The following ATP2C2 variants were observed in gnomAD, a reference collection of about 807,000 sequenced individuals.
ATP2C2 encodes ATPase secretory pathway Ca2+ transporting 2, also known as calcium-transporting ATPase type 2C member 2.
ATP2C2 carries 171 observed loss-of-function variants against 110.8 expected under a neutral mutation model. That is an observed-to-expected ratio of 1.54 (90% CI 1.36 to 1.75). ATP2C2 has a LOEUF of 1.75. Ranked by LOEUF, ATP2C2 falls within the 40% of genes most tolerant of loss-of-function variation. The probability of loss-of-function intolerance (pLI) is 0.00; values close to 1 mark genes in which losing one functional copy is unlikely to be tolerated. For missense variants in ATP2C2, 1,963 were observed against 1,235.0 expected (o/e 1.59, Z -8.84); for synonymous variants, 804 against 508.4 (o/e 1.58, Z -7.82).
At chr16:84,377,657 T>C (rs1910326416) in intron 1 of ATP2C2, among the ~76,000 whole-genome samples, 1 of 152,084 alleles carries the variant, frequency 6.6e-6, no homozygotes, top group African/African-American at 2.4e-5. Flanking sequence ...ATGACCTCTT[T>C]AAAGGCCCCA....
chr16:84,454,731 G>C, intron 20 of ATP2C2, 87 bp from the exon 21 acceptor site: 2 of 1,367,742 alleles, frequency 1.5e-6, no homozygotes, highest in East Asian at 5.2e-5. Flanking sequence ...AGACAGAGGT[G>C]TCTGTGGCTG....
intron 11 of ATP2C2, among the ~76,000 whole-genome samples, chr16:84,434,593 C>G (rs755681870): frequency 6.6e-6 from 1 of 151,714 alleles, no homozygotes; most frequent in Non-Finnish European, 1.5e-5. Flanking sequence ...TCTCGGCTCA[C>G]TGCAAGCTCC....
At chr16:84,412,525 T>C (rs1008444208) in intron 6 of ATP2C2, among the ~76,000 whole-genome samples, 5 of 148,418 alleles carry the variant, frequency 3.4e-5, no homozygotes, top group African/African-American at 5.1e-5. Flanking sequence ...TGTCTGTGTG[T>C]GCATGTGTCT....
intron 7 of ATP2C2, among the ~76,000 whole-genome samples, chr16:84,416,622 C>T (rs991000611): frequency 6.6e-6 from 1 of 152,186 alleles, no homozygotes; most frequent in Non-Finnish European, 1.5e-5. Flanking sequence ...CATTGATCCT[C>T]TCTGCCGTGA....
chr16:84,454,303 CA>C (rs1045724021), intron 20 of ATP2C2, among the ~76,000 whole-genome samples: 3 of 151,920 alleles, frequency 2.0e-5, no homozygotes, highest in Non-Finnish European at 4.4e-5. Flanking sequence ...CTCTGAATAC[CA>C]AAAAAAGGTA....
At chr16:84,424,729 T>C (rs1326447408) in intron 10 of ATP2C2, among the ~76,000 whole-genome samples, 1 of 152,066 alleles carries the variant, frequency 6.6e-6, no homozygotes, top group Non-Finnish European at 1.5e-5. Context: ...GAAAGTAGCA[T>C]TTGCCAATTC....
chr16:84,461,932 G>A (rs994337146), intron 25 of ATP2C2, 56 bp from the exon 26 acceptor site: 6 of 1,608,580 alleles, frequency 3.7e-6, no homozygotes, highest in South Asian at 1.1e-5. Context: ...GAGCTCCCCT[G>A]CCTGTACCTG....
At chr16:84,405,307 T>TA in intron 3 of ATP2C2, 63 bp downstream of exon 3, 1 of 1,399,212 alleles carries the variant, frequency 7.1e-7, no homozygotes, top group Non-Finnish European at 9.9e-7. Flanking sequence ...GGGGCAGCCA[T>TA]TCCATCTTTC....
chr16:84,420,597 C>G (rs868835068), intron 7 of ATP2C2, among the ~76,000 whole-genome samples: 10 of 151,678 alleles, frequency 6.6e-5, no homozygotes, highest in African/African-American at 2.4e-4. Flanking sequence ...CCTTAGCTTA[C>G]TTGGGTACAT....
intron 7 of ATP2C2, among the ~76,000 whole-genome samples, chr16:84,418,750 G>C (rs1907059764): frequency 6.6e-6 from 1 of 152,198 alleles, no homozygotes; most frequent in South Asian, 2.1e-4. Context: ...CAGCTGTTCA[G>C]ACTCTTCCTG....
intron 2 of ATP2C2, among the ~76,000 whole-genome samples, chr16:84,399,279 C>G (rs1013425499): frequency 7.3e-5 from 11 of 151,646 alleles, no homozygotes; most frequent in African/African-American, 2.7e-4. Flanking sequence ...GAGAATAACT[C>G]AAGTCTGTTT....
rs1020213745 is a variant in ATP2C2 at position 84,408,603 on chromosome 16, A to T, written c.417+109A>T. ...AAAAGAGTTTGCTGTAGGGGGGAAA[A>T]AGGAGCATACAGAAGAAAGAAAGGA... On this transcript the variant is annotated intron_variant, in intron 4 of 26. Transcript: ENST00000262429. The T allele has an allele frequency of 1.8e-5, 15 of 821,018 alleles. No homozygotes were observed. The Admixed American group carries it at 2.8e-4, about 15-fold the overall frequency. 50.9% of individuals were successfully genotyped at this position (821,018 alleles called of 1,614,324 possible).
chr16:84,460,376 T>C, intron 23 of ATP2C2: 1 of 500,538 alleles, frequency 2.0e-6, no homozygotes, highest in Non-Finnish European at 3.6e-6. Flanking sequence ...GTGATGGAGA[T>C]CATCTGGGTG....
At chr16:84,461,260 G>A (rs978817349) in intron 24 of ATP2C2, 2 of 269,366 alleles carry the variant, frequency 7.4e-6, no homozygotes, top group African/African-American at 2.2e-5. Flanking sequence ...AAATGAGGCA[G>A]GTGACCCATG....
intron 2 of ATP2C2, chr16:84,404,855 T>C: frequency 2.0e-6 from 1 of 504,774 alleles, no homozygotes; most frequent in Non-Finnish European, 3.8e-6. Context: ...GTTTCTGCAT[T>C]TCTGGAAGTC....
rs116923105 is a variant in ATP2C2, at chr16:84,459,034, C to T, written c.2148-86C>T. 5,331 of 1,444,420 alleles carry T rather than the reference C, an allele frequency of 3.7e-3. 159 individuals are homozygous for T. Among genetic ancestry groups the T allele is most frequent in the Non-Finnish European group, 8.8e-4 (903 of 1,030,708 alleles). 89.5% of individuals were successfully genotyped at this position (1,444,420 alleles called of 1,614,324 possible). On this transcript the variant is annotated intron_variant, in intron 21 of 26. Coordinates refer to ENST00000262429, the MANE Select transcript of ATP2C2 (RefSeq NM_014861.4). The stretch of plus-strand genomic sequence containing the variant: ...AAGTATAACATCAATCTGGGCGAGT[C>T]ACCACTGCCCCTTGCAGCAACCGAT...
At chr16:84,460,894 C>G in intron 24 of ATP2C2, 93 bp downstream of exon 24, 1 of 1,459,304 alleles carries the variant, frequency 6.9e-7, no homozygotes, top group Non-Finnish European at 9.2e-7. Context: ...CAGCTCACAT[C>G]TGGGAGAGGC....
chr16:84,420,368 C>T (rs1360867269), intron 7 of ATP2C2, among the ~76,000 whole-genome samples: 5 of 152,164 alleles, frequency 3.3e-5, no homozygotes, highest in Admixed American at 1.3e-4. Context: ...ACTCACTCCC[C>T]ACCCCATGTG....
At chr16:84,458,916 A>T (rs888741487) in intron 21 of ATP2C2, among the ~76,000 whole-genome samples, 1 of 152,192 alleles carries the variant, frequency 6.6e-6, no homozygotes, top group Admixed American at 6.5e-5. Context: ...CTCAAGGATC[A>T]GTTCCCAGTG....
Sources: allele counts gnomAD v4.1 joint callset (sites outside exome capture counted in the v4.1 genomes callset), GRCh38; gene constraint gnomAD v4.1.1; transcripts MANE v1.5; gene names NCBI Gene and HGNC (gene_info 2026-07-23, HGNC 2026-07-21).